The following TMEM208 variants were observed in gnomAD, a reference collection of about 807,000 sequenced individuals.
TMEM208 encodes transmembrane protein 208.
A neutral mutation model predicts 26.4 loss-of-function variants in TMEM208; 19 were observed. That is an observed-to-expected ratio of 0.72 (90% CI 0.50 to 1.06). The LOEUF is 1.06. TMEM208 is among the 50% of genes least tolerant of loss of function. The pLI, the probability that TMEM208 is intolerant of heterozygous loss-of-function variation, is 0.00. For synonymous variants in TMEM208, 93 were observed against 83.1 expected, an observed-to-expected ratio of 1.12 and a Z score of -0.65; for missense variants, 183 against 219.8, an observed-to-expected ratio of 0.83 and a Z score of 1.06.
intron 5 of TMEM208, 29 bp downstream of exon 5, chr16:67,228,910 G>A (rs2034131913): frequency 2.5e-6 from 4 of 1,613,324 alleles, no homozygotes; most frequent in Non-Finnish European, 3.4e-6. Context: ...CTCCCAAGAA[G>A]GGGCATCTAA....
chr16:67,227,273 G>T (rs777941461), intron 1 of TMEM208, 49 bp downstream of exon 1: 1 of 1,593,726 alleles, frequency 6.3e-7, no homozygotes, highest in Non-Finnish European at 8.6e-7. Context: ...GCTCTCCAGG[G>T]GCTGTGAGAG....
intron 2 of TMEM208, 28 bp from the exon 3 acceptor site, chr16:67,228,327 C>T (rs374626362): frequency 3.0e-4 from 483 of 1,613,576 alleles, no homozygotes; most frequent in Non-Finnish European, 3.8e-4. Flanking sequence ...AACTTCTGAC[C>T]CCAACCTGAT....
chr16:67,228,822 A>C lies in TMEM208; in HGVS notation c.325A>C (p.Thr109Pro). Reference sequence around the variant, plus strand: ...GCACCTTAAGGATGTGATCCTACTGACAGCCATCGTGCAGGTGCTCAGCTG... The same window carrying C: ...GCACCTTAAGGATGTGATCCTACTGCCAGCCATCGTGCAGGTGCTCAGCTG... ...AEHLKDVILLTAIVQVLSCFS... is the reference protein window; with the variant it reads ...AEHLKDVILLPAIVQVLSCFS... The change falls in exon 5 of 6, where the codon ACA becomes CCA. Residue 109 changes from threonine (T) to proline (P), a missense_variant. By Grantham distance (38) the Thr-to-Pro change is conservative (BLOSUM62 -1). Coordinates refer to ENST00000304800, the MANE Select transcript of TMEM208 (RefSeq NM_014187.4). 1.2e-6 allele frequency: 2 copies of C among 1,613,874 alleles called. No homozygotes were observed. Among genetic ancestry groups the C allele is most frequent in the Non-Finnish European group, 1.7e-6 (2 of 1,179,838 alleles).
At chr16:67,228,110 C>T (rs1157012545) in intron 2 of TMEM208, 179 bp downstream of exon 2, 4 of 649,200 alleles carry the variant, frequency 6.2e-6, no homozygotes, top group Non-Finnish European at 1.1e-5. Context: ...AAAATGAAGG[C>T]GTGAGTCGTA....
chr16:67,227,158 T>C lies in TMEM208; in HGVS notation c.-61T>C, dbSNP rs2034049809. On this transcript the variant is annotated 5_prime_UTR_variant, in exon 1 of 6. Transcript: ENST00000304800. The stretch of plus-strand genomic sequence containing the variant: ...AGTGCATGAGCTGCCGATGTGGTGC[T>C]TAGTGATTGCGGTTTCGGTCGCTCT... 1 of 1,606,166 alleles carries C rather than the reference T, an allele frequency of 6.2e-7. No homozygotes were observed. Among genetic ancestry groups the C allele is most frequent in the Non-Finnish European group, 8.5e-7 (1 of 1,174,928 alleles).
At chr16:67,228,141 C>G in intron 2 of TMEM208, 1 of 658,088 alleles carries the variant, frequency 1.5e-6, no homozygotes, top group Non-Finnish European at 2.6e-6. Flanking sequence ...AGAGCTCTTC[C>G]TACCTCCAAG....
intron 3 of TMEM208, 23 bp from the exon 4 acceptor site, chr16:67,228,472 A>C: frequency 6.2e-7 from 1 of 1,613,854 alleles, no homozygotes; most frequent in South Asian, 1.1e-5. Context: ...CTGGCCTTTG[A>C]TACCCTCATT....
At chr16:67,228,166 T>C (rs2034097391) in intron 2 of TMEM208, 189 bp from the exon 3 acceptor site, 1 of 693,094 alleles carries the variant, frequency 1.4e-6, no homozygotes, top group Non-Finnish European at 2.4e-6. Flanking sequence ...CAAAGGCTTC[T>C]TTCCTGGGCT....
chr16:67,228,570 T>C lies in TMEM208; in HGVS notation c.238T>C (p.Ser80Pro). The C allele has an allele frequency of 6.2e-7, 1 of 1,608,010 alleles. No individual in the cohort carries two copies. Among genetic ancestry groups the C allele is most frequent in the African/African-American group, 1.3e-5 (1 of 74,886 alleles). The change falls in exon 4 of 6, where the codon TCT (serine) becomes CCT (proline). Residue 80 changes from serine to proline, a missense_variant. Transcript: ENST00000304800. ...GAGCTCGATGGCACGAGCAGCGTTCTCTGAGGATGGGGCCCTGATGGATGG... is the reference window on the plus strand; with the variant it reads ...GAGCTCGATGGCACGAGCAGCGTTCCCTGAGGATGGGGCCCTGATGGATGG... ...SMSSMARAAF[S>P]EDGALMDGGM...
intron 2 of TMEM208, 95 bp downstream of exon 2, chr16:67,228,026 C>T: frequency 2.0e-6 from 2 of 986,770 alleles, no homozygotes; most frequent in Non-Finnish European, 3.0e-6. Flanking sequence ...CGAAAAAGCT[C>T]TAGAAGAGAG....
intron 5 of TMEM208, 31 bp from the exon 6 acceptor site, chr16:67,228,945 A>T (rs1287418836): frequency 1.2e-6 from 2 of 1,610,350 alleles, no homozygotes; most frequent in Non-Finnish European, 1.7e-6. Context: ...TATTCCCTGC[A>T]TCTTGCTTCA....
chr16:67,229,072 C>T lies in TMEM208; in HGVS notation c.481C>T (p.Arg161Trp), dbSNP rs367680134. The T allele has an allele frequency of 2.7e-5, 44 of 1,612,750 alleles. No individual in the cohort carries two copies. Among genetic ancestry groups the T allele is most frequent in the African/African-American group, 1.3e-4 (10 of 74,876 alleles). The change falls in exon 6 of 6, where the codon CGG becomes TGG. Residue 161 changes from arginine (R) to tryptophan (W), a missense_variant. Coordinates refer to ENST00000304800, the MANE Select transcript of TMEM208 (RefSeq NM_014187.4). ...GTPAPEHNEKRQRRQERRQMK... is the reference protein window; with the variant it reads ...GTPAPEHNEKWQRRQERRQMK... ...CCCAGCACCAGAGCACAATGAGAAA[C>T]GGCAGCGCCGACAGGAGCGGCGGCA...
rs957606914 is a variant in TMEM208 at position 67,227,143 on chromosome 16, C to T, written c.-76C>T. 5.0e-6 allele frequency: 8 copies of T among 1,596,606 alleles called. No homozygotes were observed. The Admixed American group carries it at 8.5e-5, about 17-fold the overall frequency. On this transcript the variant is annotated 5_prime_UTR_variant, in exon 1 of 6. Transcript: ENST00000304800. ...TCGGTCTGCGCCGGAAGTGCATGAGCTGCCGATGTGGTGCTTAGTGATTGC... is the reference window on the plus strand; with the variant it reads ...TCGGTCTGCGCCGGAAGTGCATGAGTTGCCGATGTGGTGCTTAGTGATTGC...
At position 67,228,625 on chromosome 16, in the gene TMEM208, T is replaced by C. The variant is rs992983036; in HGVS notation, c.293T>C (p.Met98Thr). 2 of 1,568,618 alleles carry C rather than the reference T, an allele frequency of 1.3e-6. No homozygotes were observed. The highest frequency in any genetic ancestry group is 1.7e-6 in the Non-Finnish European group (2 of 1,155,356). ...ATGGACCTCAACATGGAGCAGGGCATGGCAGAGTGAGTGTCCCCCACCGCC... is the reference window on the plus strand; with the variant it reads ...ATGGACCTCAACATGGAGCAGGGCACGGCAGAGTGAGTGTCCCCCACCGCC... The part of the protein sequence containing the change: ...GGMDLNMEQG[M>T]AEHLKDVILL... The change falls in exon 4 of 6, where the codon ATG (methionine) becomes ACG (threonine). Residue 98 changes from methionine (M) to threonine (T), a missense_variant. Physicochemically the swap from Met to Thr is moderately conservative, Grantham distance 81. Transcript: ENST00000304800.
At position 67,227,197 on chromosome 16, in the gene TMEM208, G is replaced by T; in HGVS notation, c.-22G>T. 3 of 1,611,802 alleles carry T rather than the reference G, an allele frequency of 1.9e-6. No individual in the cohort carries two copies. Among genetic ancestry groups the T allele is most frequent in the Non-Finnish European group, 2.5e-6 (3 of 1,178,528 alleles). On this transcript the variant is annotated 5_prime_UTR_variant, in exon 1 of 6. Coordinates refer to ENST00000304800, the MANE Select transcript of TMEM208 (RefSeq NM_014187.4). ...TTCGGTCGCTCTCCCGTGTTTCCCG[G>T]GCTGGGTATTTGCCTCGCACCATGG...
chr16:67,228,921 C>T lies in TMEM208; in HGVS notation c.384+40C>T, dbSNP rs764085443. 7 of 1,612,392 alleles carry T rather than the reference C, an allele frequency of 4.3e-6. No homozygotes were observed. The South Asian group carries it at 5.5e-5, about 13-fold the overall frequency. On this transcript the variant is annotated intron_variant, in intron 5 of 5. Transcript: ENST00000304800. ...GGCGCTCCCAAGAAGGGGCATCTAA[C>T]CCTCCCCATCTTTTATTCCCTGCAT...
chr16:67,227,741 G>A (rs1293962722), intron 1 of TMEM208, 95 bp from the exon 2 acceptor site: 3 of 971,332 alleles, frequency 3.1e-6, no homozygotes, highest in South Asian at 1.6e-5. Flanking sequence ...CGGGGACCTG[G>A]CTGAGTTGCG....
At chr16:67,227,472 C>G (rs774340994) in intron 1 of TMEM208, 22 of 581,238 alleles carry the variant, frequency 3.8e-5, no homozygotes, top group Non-Finnish European at 6.3e-5. Flanking sequence ...GGGGGTTAAC[C>G]CAGATCGGGA....
chr16:67,227,932 G>A lies in TMEM208; in HGVS notation c.102+1G>A, dbSNP rs1002839456. ...CCTGCGGATCATACTGGGGGCCAAT[G>A]TAAGTGCCTACCTCCTTGCTTCTAT... On this transcript the variant is annotated splice_donor_variant, in intron 2 of 5. Transcript: ENST00000304800. LOFTEE classifies it high-confidence loss of function. 5.0e-6 allele frequency: 8 copies of A among 1,605,230 alleles called. No homozygotes were observed. Among genetic ancestry groups the A allele is most frequent in the Admixed American group, 1.7e-5 (1 of 58,842 alleles).
Sources: allele counts gnomAD v4.1 joint callset, GRCh38; gene constraint gnomAD v4.1.1; transcripts MANE v1.5; gene names NCBI Gene and HGNC (gene_info 2026-07-23, HGNC 2026-07-21).